YEATS2: variants seen among roughly 807,000 people sequenced by gnomAD.
YEATS2 encodes the protein YEATS domain containing 2, also known as YEATS domain-containing protein 2.
In YEATS2, 77 loss-of-function variants were observed where a neutral mutation model predicts 163.2. The observed-to-expected ratio is 0.47, with a 90% CI of 0.39 to 0.57. The LOEUF (loss-of-function observed/expected upper bound fraction) is 0.57, where lower values mean the gene tolerates loss of function less well. YEATS2 is among the 20% of genes least tolerant of loss of function. YEATS2 has a pLI of 0.00. For missense variants in YEATS2, 1,549 were observed against 1,729.8 expected, an observed-to-expected ratio of 0.90 and a Z score of 1.85; for synonymous variants, 631 against 645.1, an observed-to-expected ratio of 0.98 and a Z score of 0.33.
intron 7 of YEATS2, among the ~76,000 whole-genome samples, chr3:183,734,195 C>T (rs1477513203): frequency 2.6e-5 from 4 of 152,142 alleles, no homozygotes; most frequent in Non-Finnish European, 4.4e-5. Flanking sequence ...CCTGCACAGT[C>T]GGACAATGCC....
intron 22 of YEATS2, among the ~76,000 whole-genome samples, chr3:183,798,561 C>A (rs1725377290): frequency 6.6e-6 from 1 of 152,082 alleles, no homozygotes; most frequent in Non-Finnish European, 1.5e-5. Flanking sequence ...ACCATGTTGC[C>A]CAGGCTGGTC....
intron 7 of YEATS2, 28 bp downstream of exon 7, chr3:183,728,879 A>T: frequency 6.3e-7 from 1 of 1,578,040 alleles, no homozygotes; most frequent in South Asian, 1.2e-5. Context: ...ATTTAACCTA[A>T]ATTGAAATGC....
chr3:183,752,377 A>G (rs1720261599), intron 10 of YEATS2, 124 bp downstream of exon 10: 1 of 1,223,244 alleles, frequency 8.2e-7, no homozygotes. Context: ...CCTCTACTAC[A>G]CAGTTCTGTT....
intron 17 of YEATS2, among the ~76,000 whole-genome samples, chr3:183,774,399 G>A (rs1329804037): frequency 2.0e-5 from 3 of 152,124 alleles, no homozygotes; most frequent in Non-Finnish European, 4.4e-5. Context: ...ATCTGAGGTG[G>A]AACAATTTCT....
chr3:183,720,893 C>T (rs898715124), intron 4 of YEATS2, among the ~76,000 whole-genome samples: 1 of 150,816 alleles, frequency 6.6e-6, no homozygotes, highest in African/African-American at 2.5e-5. Flanking sequence ...GCTGTAATTT[C>T]TGCCTGTCAA....
At chr3:183,729,015 A>G (rs1333635362) in intron 7 of YEATS2, among the ~76,000 whole-genome samples, 164 bp downstream of exon 7, 1 of 152,172 alleles carries the variant, frequency 6.6e-6, no homozygotes, top group Non-Finnish European at 1.5e-5. Context: ...GCTCACACCT[A>G]TAATCCAAGC....
At position 183,774,242 on chromosome 3, in the gene YEATS2, A is replaced by T. The variant is rs183522127; in HGVS notation, c.2368+448A>T. Reference sequence around the variant, plus strand: ...CTGGGCCGCACAGCAGAAGTTGAGCATGGACGAAGAAGCATTACTGCCTGA... The same window carrying T: ...CTGGGCCGCACAGCAGAAGTTGAGCTTGGACGAAGAAGCATTACTGCCTGA... On this transcript the variant is annotated intron_variant, in intron 17 of 30. Coordinates refer to ENST00000305135, the MANE Select transcript of YEATS2 (RefSeq NM_018023.5). 7.2e-5 allele frequency among the ~76,000 whole-genome samples: 11 copies of T among 152,320 alleles called. No individual in the cohort carries two copies. In the East Asian group the frequency reaches 2.1e-3, roughly 29 times the overall value.
At chr3:183,709,958 G>A (rs1047014448) in intron 1 of YEATS2, among the ~76,000 whole-genome samples, 39 of 152,124 alleles carry the variant, frequency 2.6e-4, no homozygotes, top group African/African-American at 9.2e-4. Flanking sequence ...GGGATTACAG[G>A]CGTGAGCCAC....
chr3:183,699,433 G>T (rs959293394), intron 1 of YEATS2, among the ~76,000 whole-genome samples: 2 of 151,800 alleles, frequency 1.3e-5, no homozygotes, highest in African/African-American at 2.4e-5. Flanking sequence ...TCTGGGAGTG[G>T]CTGGGCGCGG....
intron 22 of YEATS2, among the ~76,000 whole-genome samples, chr3:183,798,653 C>G (rs1305304569): frequency 2.0e-5 from 3 of 152,124 alleles, no homozygotes; most frequent in Admixed American, 6.5e-5. Flanking sequence ...TGCCCCTGGC[C>G]TGGATTGTTA....
chr3:183,727,831 C>T (rs1037149365), intron 6 of YEATS2, among the ~76,000 whole-genome samples: 3 of 152,138 alleles, frequency 2.0e-5, no homozygotes, highest in Admixed American at 2.0e-4. Context: ...GCGCAAAGCT[C>T]TAGCACCCTG....
At chr3:183,773,063 G>T (rs1330064876) in intron 16 of YEATS2, among the ~76,000 whole-genome samples, 3 of 152,094 alleles carry the variant, frequency 2.0e-5, no homozygotes, top group Non-Finnish European at 4.4e-5. Flanking sequence ...ATAATGACAA[G>T]AAAAAAGTCT....
At chr3:183,718,646 G>A in intron 4 of YEATS2, 54 bp downstream of exon 4, 1 of 1,378,102 alleles carries the variant, frequency 7.3e-7, no homozygotes, top group Non-Finnish European at 1.0e-6. Flanking sequence ...TGTTGTCTGA[G>A]GGGAAGTTAT....
At chr3:183,783,750 G>A (rs1173118532) in intron 19 of YEATS2, among the ~76,000 whole-genome samples, 2 of 152,108 alleles carry the variant, frequency 1.3e-5, no homozygotes, top group African/African-American at 4.8e-5. Flanking sequence ...ATGGCTGTGT[G>A]GTATTTGATG....
At chr3:183,784,690 A>G (rs1723884664) in intron 19 of YEATS2, among the ~76,000 whole-genome samples, 1 of 151,626 alleles carries the variant, frequency 6.6e-6, no homozygotes, top group African/African-American at 2.4e-5. Flanking sequence ...GAACACAGCC[A>G]CACTCGTTTC....
At chr3:183,723,767 C>G (rs1716777405) in intron 5 of YEATS2, among the ~76,000 whole-genome samples, 1 of 152,120 alleles carries the variant, frequency 6.6e-6, no homozygotes, top group Non-Finnish European at 1.5e-5. Flanking sequence ...CAAAAATTAC[C>G]TGGGCTTAGT....
chr3:183,784,291 A>G (rs1043139451), intron 19 of YEATS2, among the ~76,000 whole-genome samples: 3 of 152,130 alleles, frequency 2.0e-5, no homozygotes, highest in South Asian at 2.1e-4. Context: ...TCCACAGCCT[A>G]TCTGGTGTGA....
At chr3:183,794,849 CTT>C (rs1560325264) in intron 21 of YEATS2, among the ~76,000 whole-genome samples, 2 of 152,040 alleles carry the variant, frequency 1.3e-5, no homozygotes, top group Admixed American at 1.3e-4. Flanking sequence ...CTAGATTTGA[CTT>C]TGACTCTGGG....
chr3:183,734,679 T>C (rs1184370637), intron 7 of YEATS2, among the ~76,000 whole-genome samples: 1 of 152,218 alleles, frequency 6.6e-6, no homozygotes, highest in Non-Finnish European at 1.5e-5. Context: ...AATAGAGCTG[T>C]TCAGAAATGT....
Sources: gnomAD v4.1 joint callset for allele counts (sites outside exome capture counted in the v4.1 genomes callset) on GRCh38, gnomAD v4.1.1 for gene constraint, MANE v1.5 for transcripts, NCBI Gene and HGNC (gene_info 2026-07-23, HGNC 2026-07-21) for gene names.